Variants in NRP1 observed in about 807,000 individuals in gnomAD.
The protein encoded by NRP1 is neuropilin 1.
NRP1 carries 35 observed loss-of-function variants against 106.7 expected under a neutral mutation model. That is an observed-to-expected ratio of 0.33 (90% CI 0.25 to 0.43). NRP1 has a LOEUF of 0.43. Among genes scored for constraint, NRP1 ranks in the 20% least tolerant of loss-of-function variants. The pLI, the probability that NRP1 is intolerant of heterozygous loss-of-function variation, is 1.00. For missense variants in NRP1, 1,024 were observed against 1,170.4 expected, an observed-to-expected ratio of 0.87 and a Z score of 1.83; for synonymous variants, 437 against 417.9, an observed-to-expected ratio of 1.05 and a Z score of -0.56.
intron 6 of NRP1, among the ~76,000 whole-genome samples, chr10:33,251,044 C>A (rs937820808): frequency 6.6e-6 from 1 of 152,146 alleles, no homozygotes; most frequent in African/African-American, 2.4e-5. Context: ...TGTGTCCCCA[C>A]CCAAATCTCA....
In NRP1 at chr10:33,226,028, A is replaced by T. The variant is rs1014132606; in HGVS notation, c.1137+106T>A. The T allele has an allele frequency of 2.4e-6, 3 of 1,272,302 alleles. No individual in the cohort carries two copies. The East Asian group carries it at 7.0e-5, about 30-fold the overall frequency. 78.8% of individuals were successfully genotyped at this position (1,272,302 alleles called of 1,614,324 possible). On this transcript the variant is annotated intron_variant, in intron 7 of 16. Coordinates refer to ENST00000374867, the MANE Select transcript of NRP1 (RefSeq NM_003873.7). ...TAATTGCACTTTTCATTTCAAATCA[A>T]TTCAAAAATAAACCAGGCCAGACAG...
chr10:33,317,933 T>A (rs1273789250), intron 2 of NRP1, among the ~76,000 whole-genome samples: 4 of 152,202 alleles, frequency 2.6e-5, no homozygotes, highest in Non-Finnish European at 5.9e-5. Context: ...TTTGAAATAT[T>A]TATAAGTGTC....
intron 4 of NRP1, among the ~76,000 whole-genome samples, chr10:33,257,348 A>G (rs998604997): frequency 6.6e-6 from 1 of 152,220 alleles, no homozygotes; most frequent in African/African-American, 2.4e-5. Context: ...AAGTCAAATT[A>G]TTTGATGGCT....
chr10:33,208,295 C>T (rs997534744), intron 9 of NRP1, among the ~76,000 whole-genome samples: 12 of 152,114 alleles, frequency 7.9e-5, no homozygotes, highest in Non-Finnish European at 1.6e-4. Flanking sequence ...GCAAATGATC[C>T]TCCTGCATTG....
At chr10:33,180,721 T>A (rs1357637639) in intron 16 of NRP1, among the ~76,000 whole-genome samples, 1 of 152,206 alleles carries the variant, frequency 6.6e-6, no homozygotes, top group African/African-American at 2.4e-5. Context: ...CACACATTAG[T>A]CTAGCAAGGG....
intron 8 of NRP1, among the ~76,000 whole-genome samples, chr10:33,215,319 G>T (rs570780507): frequency 1.3e-5 from 2 of 152,282 alleles, no homozygotes; most frequent in South Asian, 4.1e-4. Context: ...GAAATATGAT[G>T]TAAGTAGCAC....
chr10:33,220,900 CAA>C (rs35895871), intron 8 of NRP1, among the ~76,000 whole-genome samples: 5,293 of 60,412 alleles, frequency 0.088, 40 homozygotes, highest in Middle Eastern at 0.16. Flanking sequence ...GGCTCAGTCT[CAA>C]AAAAAAAAAA....
intron 2 of NRP1, among the ~76,000 whole-genome samples, chr10:33,330,349 A>C (rs531780859): frequency 6.6e-6 from 1 of 152,006 alleles, no homozygotes. Flanking sequence ...GTATTTCGTA[A>C]AAATACAAGT....
chr10:33,203,075 T>G (rs1213910379), intron 10 of NRP1, 80 bp from the exon 11 acceptor site: 3 of 1,434,766 alleles, frequency 2.1e-6, no homozygotes, highest in Non-Finnish European at 2.8e-6. Flanking sequence ...CTGCTAACGC[T>G]TATGCAGAAA....
chr10:33,202,668 A>T (rs1019995541), intron 11 of NRP1: 8 of 1,544,868 alleles, frequency 5.2e-6, no homozygotes, highest in African/African-American at 4.1e-5. Context: ...TTGGCTCTCG[A>T]AATGGCTCAA....
intron 11 of NRP1, among the ~76,000 whole-genome samples, chr10:33,199,922 C>T (rs754907991): frequency 5.3e-5 from 8 of 152,188 alleles, no homozygotes; most frequent in African/African-American, 1.4e-4. Context: ...GCCATAAAAT[C>T]GTGCTCTTGG....
At chr10:33,308,532 G>C (rs572872508) in intron 2 of NRP1, among the ~76,000 whole-genome samples, 1 of 151,754 alleles carries the variant, frequency 6.6e-6, no homozygotes, top group African/African-American at 2.4e-5. Flanking sequence ...TGTCGCCCAC[G>C]CTGGAGTTTA....
chr10:33,186,622 A>G, intron 13 of NRP1, 134 bp from the exon 14 acceptor site: 1 of 1,040,500 alleles, frequency 9.6e-7, no homozygotes, highest in South Asian at 1.7e-5. Context: ...GGAAAGGGAT[A>G]AGTGTGCACA....
chr10:33,333,599 A>G (rs1848431593), intron 1 of NRP1, among the ~76,000 whole-genome samples: 1 of 152,230 alleles, frequency 6.6e-6, no homozygotes, highest in Admixed American at 6.5e-5. Context: ...CATGCCTACA[A>G]CCAGATCCCA....
intron 2 of NRP1, among the ~76,000 whole-genome samples, chr10:33,323,380 G>C (rs1053173923): frequency 1.1e-4 from 17 of 152,114 alleles, no homozygotes; most frequent in African/African-American, 4.1e-4. Context: ...CACGTTATAA[G>C]GCAAAAGTTC....
At chr10:33,332,529 G>A (rs1289137171) in intron 1 of NRP1, among the ~76,000 whole-genome samples, 1 of 152,116 alleles carries the variant, frequency 6.6e-6, no homozygotes, top group Non-Finnish European at 1.5e-5. Context: ...AGGTGGACTT[G>A]GTACCACACC....
intron 2 of NRP1, among the ~76,000 whole-genome samples, chr10:33,277,232 A>T (rs1391638018): frequency 6.6e-6 from 1 of 152,232 alleles, no homozygotes; most frequent in Non-Finnish European, 1.5e-5. Context: ...AGTGTATGTG[A>T]CAGAGAGAGA....
At chr10:33,199,390 T>TATATATATATATATATATATATA (rs57198890) in intron 11 of NRP1, among the ~76,000 whole-genome samples, 2 of 30,746 alleles carry the variant, frequency 6.5e-5, no homozygotes, top group East Asian at 1.5e-3. Context: ...TATATATATA[T>TATATATATATATATATATATATA]TTTTTTTTTT....
chr10:33,227,830 C>T (rs1175746997), intron 6 of NRP1, among the ~76,000 whole-genome samples: 1 of 152,080 alleles, frequency 6.6e-6, no homozygotes, highest in African/African-American at 2.4e-5. Flanking sequence ...CCAGACTCTG[C>T]CATCATCTTT....
Sources: allele counts gnomAD v4.1 joint callset (sites outside exome capture counted in the v4.1 genomes callset), GRCh38; gene constraint gnomAD v4.1.1; transcripts MANE v1.5; gene names NCBI Gene and HGNC (gene_info 2026-07-23, HGNC 2026-07-21).